The following RAPH1 variants were observed in gnomAD, a reference collection of about 807,000 sequenced individuals.
RAPH1 encodes the protein ras-associated and pleckstrin homology domains-containing protein 1.
Under a neutral mutation model 88.1 loss-of-function variants are expected in RAPH1, and 18 were observed. The observed-to-expected ratio is 0.20, with a 90% CI of 0.14 to 0.30. RAPH1 has a LOEUF of 0.30. Ranked by LOEUF, RAPH1 falls within the 10% of genes least tolerant of loss-of-function variation. The pLI, the probability that RAPH1 is intolerant of heterozygous loss-of-function variation, is 1.00. For synonymous variants in RAPH1, 587 were observed against 559.0 expected (o/e 1.05, Z -0.71); for missense variants, 1,448 against 1,543.2 (o/e 0.94, Z 1.03).
At chr2:203,491,160 T>C (rs1481151122) in intron 3 of RAPH1, 54 bp downstream of exon 3, 4 of 1,224,250 alleles carry the variant, frequency 3.3e-6, no homozygotes, top group Non-Finnish European at 3.6e-6. Context: ...GTACTGCTCC[T>C]ACATTGTGTG....
rs1553616484 is a variant in RAPH1 at position 203,434,040 on chromosome 2, A to ATCTATCTATC, written c.*5396_*5397insGATAGATAGA. On this transcript the variant is annotated 3_prime_UTR_variant, in exon 14 of 14. Coordinates refer to ENST00000319170, the MANE Select transcript of RAPH1 (RefSeq NM_213589.3). ...GTAGTACTGAATATATCTCTCTCATATATCTATCTATCTATCTATATATAT... is the reference window on the plus strand; with the variant it reads ...GTAGTACTGAATATATCTCTCTCATATCTATCTATCTATCTATCTATCTATCTATATATAT... 1.4e-5 allele frequency: 2 copies of ATCTATCTATC among 145,398 alleles called. No homozygotes were observed. The highest frequency in any genetic ancestry group is 2.6e-5 in the African/African-American group (1 of 38,246). 9.0% of individuals were successfully genotyped at this position (145,398 alleles called of 1,614,324 possible).
chr2:203,450,724 C>T (rs923080161), intron 10 of RAPH1, among the ~76,000 whole-genome samples: 1 of 152,228 alleles, frequency 6.6e-6, no homozygotes, highest in Non-Finnish European at 1.5e-5. Flanking sequence ...TTCATGGAGG[C>T]ACTGCCTGCA....
rs1341782540 is a variant in RAPH1, at chr2:203,535,251, G to C, written c.-141C>G. On this transcript the variant is annotated 5_prime_UTR_variant, in exon 1 of 14. Transcript: ENST00000319170. ...CGACTGCCAGCAGCTCCCGCGCCGC[G>C]CGCTCAGTGACTGACTGACTGACTG... 1.4e-5 allele frequency: 2 copies of C among 146,900 alleles called. No individual in the cohort carries two copies. Among genetic ancestry groups the C allele is most frequent in the East Asian group, 4.0e-4 (2 of 4,968 alleles). 9.1% of individuals were successfully genotyped at this position (146,900 alleles called of 1,614,324 possible).
At chr2:203,476,887 T>A (rs980479882) in intron 4 of RAPH1, among the ~76,000 whole-genome samples, 6 of 152,234 alleles carry the variant, frequency 3.9e-5, no homozygotes, top group Non-Finnish European at 5.9e-5. Context: ...ACCTACATAA[T>A]CATACCAGGA....
chr2:203,468,982 A>C lies in RAPH1; in HGVS notation c.733-7057T>G, dbSNP rs2098530891. On this transcript the variant is annotated intron_variant, in intron 4 of 13. Coordinates refer to ENST00000319170, the MANE Select transcript of RAPH1 (RefSeq NM_213589.3). ...AATTAGAAGAATGTCAGCATCCTAA[A>C]CAGAAACAGAAAAGATGACAACAGA... Among the ~76,000 whole-genome samples the C allele has an allele frequency of 1.3e-5, 2 of 152,224 alleles. 1 individual carries two copies. Among genetic ancestry groups the C allele is most frequent in the East Asian group, 3.8e-4 (2 of 5,204 alleles).
intron 4 of RAPH1, 48 bp downstream of exon 4, chr2:203,489,536 C>A: frequency 7.6e-7 from 1 of 1,317,522 alleles, no homozygotes; most frequent in African/African-American, 1.5e-5. Flanking sequence ...TATAATTTCT[C>A]CTTTATTTTA....
chr2:203,445,937 T>G (rs1303275416), intron 12 of RAPH1: 2 of 152,218 alleles, frequency 1.3e-5, no homozygotes, highest in Non-Finnish European at 2.9e-5. Context: ...GCAATATGTT[T>G]GGTTTTAAAG....
intron 9 of RAPH1, 82 bp downstream of exon 9, chr2:203,455,355 G>T: frequency 7.8e-7 from 1 of 1,283,958 alleles, no homozygotes; most frequent in Non-Finnish European, 1.1e-6. Context: ...CATAGCCTGG[G>T]TTCACCTTGT....
intron 1 of RAPH1, among the ~76,000 whole-genome samples, chr2:203,498,039 T>A (rs1263060241): frequency 2.0e-5 from 3 of 152,216 alleles, no homozygotes; most frequent in African/African-American, 7.2e-5. Flanking sequence ...TAATCTGGAA[T>A]ATACTTGCTT....
At chr2:203,495,799 A>T (rs910456242) in intron 1 of RAPH1, among the ~76,000 whole-genome samples, 18 of 152,202 alleles carry the variant, frequency 1.2e-4, no homozygotes, top group Admixed American at 2.0e-4. Flanking sequence ...GGTACCCTGC[A>T]AAACCTTAGT....
intron 12 of RAPH1, 54 bp from the exon 13 acceptor site, chr2:203,445,064 T>G: frequency 1.3e-6 from 2 of 1,494,888 alleles, no homozygotes; most frequent in Non-Finnish European, 1.8e-6. Context: ...ATTCTGACAA[T>G]ATTCATATGT....
At chr2:203,508,008 C>A (rs1480577520) in intron 1 of RAPH1, among the ~76,000 whole-genome samples, 19 of 151,098 alleles carry the variant, frequency 1.3e-4, no homozygotes, top group African/African-American at 4.6e-4. Context: ...GTCAGGAGAT[C>A]AAGACCATCC....
At chr2:203,446,183 C>T (rs187954452) in intron 12 of RAPH1, 3 of 152,300 alleles carry the variant, frequency 2.0e-5, no homozygotes, top group African/African-American at 7.2e-5. Context: ...TCAGAATTTC[C>T]TGTTTTTGAT....
At chr2:203,475,765 A>G (rs1470760246) in intron 4 of RAPH1, among the ~76,000 whole-genome samples, 2 of 151,736 alleles carry the variant, frequency 1.3e-5, no homozygotes, top group African/African-American at 4.8e-5. Context: ...AAAAAAAAAA[A>G]AGGCTTCTGA....
In RAPH1 at chr2:203,493,991, A is replaced by G. The variant is rs991184754; in HGVS notation, c.120+1243T>C. Among the ~76,000 whole-genome samples the G allele has an allele frequency of 4.0e-4, 60 of 150,458 alleles. No individual in the cohort carries two copies. In the South Asian group the frequency reaches 5.4e-3, roughly 14 times the overall value. ...TATCTCAAAAAAAAAAAAAAAAAAA[A>G]AAAAAAAGAAAAAAGAAAAAAAAAA... is the stretch of plus-strand genomic sequence containing the variant. On this transcript the variant is annotated intron_variant, in intron 2 of 13. Coordinates refer to ENST00000319170, the MANE Select transcript of RAPH1 (RefSeq NM_213589.3).
rs1159910705 is a variant in RAPH1 at position 203,440,046 on chromosome 2, T to G, written c.3144A>C (p.Ala1048=). The part of the protein sequence containing the change: ...PGVLQQGCVS[A]KAPVLSGRGK... ...CACGCCCACTCAGAACAGGGGCTTT[T>G]GCTGACACACACCCTTGTTGGAGAA... is the stretch of plus-strand genomic sequence containing the variant. The change falls in exon 14 of 14, where the codon GCA becomes GCC. Residue 1048 remains alanine, a synonymous_variant. Transcript: ENST00000319170. 1.2e-6 allele frequency: 2 copies of G among 1,613,526 alleles called. No individual in the cohort carries two copies.
intron 9 of RAPH1, among the ~76,000 whole-genome samples, 177 bp from the exon 10 acceptor site, chr2:203,454,717 C>T (rs892075825): frequency 2.0e-5 from 3 of 152,174 alleles, no homozygotes; most frequent in African/African-American, 2.4e-5. Context: ...TAATCATTAA[C>T]GTAACAAAAA....
intron 4 of RAPH1, among the ~76,000 whole-genome samples, chr2:203,477,517 T>C (rs182306197): frequency 6.6e-6 from 1 of 152,274 alleles, no homozygotes; most frequent in Admixed American, 6.5e-5. Context: ...CCCCTTATGT[T>C]ATACCTGTTC....
At chr2:203,530,658 GAGGT>G (rs1690348842) in intron 1 of RAPH1, among the ~76,000 whole-genome samples, 1 of 152,182 alleles carries the variant, frequency 6.6e-6, no homozygotes, top group South Asian at 2.1e-4. Context: ...TTGGGAAGCC[GAGGT>G]AGGTAGATCA....
Sources: gnomAD v4.1 joint callset for allele counts (sites outside exome capture counted in the v4.1 genomes callset) on GRCh38, gnomAD v4.1.1 for gene constraint, MANE v1.5 for transcripts, NCBI Gene and HGNC (gene_info 2026-07-23, HGNC 2026-07-21) for gene names.